The following POU2AF1 variants were observed in gnomAD, a reference collection of about 807,000 sequenced individuals.
POU2AF1 encodes the protein POU class 2 homeobox associating factor 1.
POU2AF1 carries 12 observed loss-of-function variants against 26.3 expected under a neutral mutation model. That is an observed-to-expected ratio of 0.46 (90% CI 0.29 to 0.74). POU2AF1 has a LOEUF of 0.74. Ranked by LOEUF, POU2AF1 falls within the 30% of genes least tolerant of loss-of-function variation. POU2AF1 has a pLI of 0.09. For missense variants in POU2AF1, 297 were observed against 334.5 expected, an observed-to-expected ratio of 0.89 and a Z score of 0.87; for synonymous variants, 175 against 148.0, an observed-to-expected ratio of 1.18 and a Z score of -1.32.
At chr11:111,375,373 C>A (rs1250558400) in intron 1 of POU2AF1, among the ~76,000 whole-genome samples, 1 of 148,244 alleles carries the variant, frequency 6.7e-6, no homozygotes, top group Non-Finnish European at 1.5e-5. Context: ...AATGTACAAC[C>A]CCAGGATACT....
Position 111,354,180 on chromosome 11 carries a change from A to G in POU2AF1, c.*81T>C. On this transcript the variant is annotated 3_prime_UTR_variant, in exon 5 of 5. Coordinates refer to ENST00000393067, the MANE Select transcript of POU2AF1 (RefSeq NM_006235.3). ...TGTAGTCATGAAATGACTACTCCAAACAAGCATGAACCTGGGGCTCAATTC... is the reference window on the plus strand; with the variant it reads ...TGTAGTCATGAAATGACTACTCCAAGCAAGCATGAACCTGGGGCTCAATTC... 1 of 1,479,864 alleles carries G rather than the reference A, an allele frequency of 6.8e-7. No individual in the cohort carries two copies. 91.7% of individuals were successfully genotyped at this position (1,479,864 alleles called of 1,614,324 possible).
intron 1 of POU2AF1, chr11:111,360,034 C>T: frequency 1.9e-6 from 1 of 518,966 alleles, no homozygotes; most frequent in South Asian, 1.4e-5. Context: ...TTTCCTTCCC[C>T]TCTTGCCATC....
Position 111,358,841 on chromosome 11 carries a change from G to T in POU2AF1, c.94C>A (p.Leu32Met). The part of the protein sequence containing the change: ...VRVKEPVKEL[L>M]RRKRGHASSG... ...CTGGCGTGGCCTCGCTTCCTCCTCAGCAGTTCCTTCACTGGCTCCTTCACA... is the reference window on the plus strand; with the variant it reads ...CTGGCGTGGCCTCGCTTCCTCCTCATCAGTTCCTTCACTGGCTCCTTCACA... Residue 32 changes from leucine (L) to methionine (M), a missense_variant, in exon 2 of 5, where the codon CTG (leucine) becomes ATG (methionine). Physicochemically the swap from Leu to Met is conservative, Grantham distance 15. Coordinates refer to ENST00000393067, the MANE Select transcript of POU2AF1 (RefSeq NM_006235.3). 6.2e-7 allele frequency: 1 copy of T among 1,609,160 alleles called. No individual in the cohort carries two copies.
rs1490143013 is a variant in POU2AF1, at chr11:111,379,241, C to A, written c.-64G>T. 1.2e-6 allele frequency: 2 copies of A among 1,606,188 alleles called. No individual in the cohort carries two copies. The highest frequency in any genetic ancestry group is 1.7e-6 in the Non-Finnish European group (2 of 1,172,920). ...ACAGTTTGGCTTCTTTAATGTGAGA[C>A]CGGGGTGTGTTTTCCTCCAGTGGAG... On this transcript the variant is annotated 5_prime_UTR_variant, in exon 1 of 5. Coordinates refer to ENST00000393067, the MANE Select transcript of POU2AF1 (RefSeq NM_006235.3).
At chr11:111,378,700 G>A (rs1861359415) in intron 1 of POU2AF1, among the ~76,000 whole-genome samples, 2 of 151,998 alleles carry the variant, frequency 1.3e-5, no homozygotes, top group African/African-American at 2.4e-5. Context: ...CTGGCAGAAA[G>A]CTAAGTCACT....
At chr11:111,363,279 C>T in intron 1 of POU2AF1, 2 of 1,023,722 alleles carry the variant, frequency 2.0e-6, no homozygotes, top group Non-Finnish European at 2.3e-6. Context: ...GTAACTGACT[C>T]CAGCTGAGCA....
intron 1 of POU2AF1, chr11:111,363,055 G>T: frequency 1.2e-6 from 1 of 832,796 alleles, no homozygotes; most frequent in Non-Finnish European, 1.5e-6. Context: ...AACAAAGAGC[G>T]CTTGGTGGAG....
chr11:111,357,842 AGG>A lies in POU2AF1; in HGVS notation c.148-7_148-6del. ...GGGCTGATGGGGCAGCACCACCTAGAGGGGAGAGGAGAAGACCAGGGTCAATG... is the reference window on the plus strand; with the variant it reads ...GGGCTGATGGGGCAGCACCACCTAGAGGAGAGGAGAAGACCAGGGTCAATG... On this transcript the variant is annotated splice_polypyrimidine_tract_variant and splice_region_variant and intron_variant, in intron 2 of 4. Coordinates refer to ENST00000393067, the MANE Select transcript of POU2AF1 (RefSeq NM_006235.3). 6.2e-7 allele frequency: 1 copy of A among 1,605,626 alleles called. No individual in the cohort carries two copies. The highest frequency in any genetic ancestry group is 8.5e-7 in the Non-Finnish European group (1 of 1,176,994).
intron 1 of POU2AF1, chr11:111,359,205 A>G (rs1860957107): frequency 6.2e-6 from 3 of 480,392 alleles, no homozygotes; most frequent in South Asian, 2.5e-5. Context: ...CACACTCCCT[A>G]CTACACAAAC....
intron 2 of POU2AF1, 66 bp downstream of exon 2, chr11:111,358,721 CT>C (rs1860939947): frequency 6.6e-7 from 1 of 1,517,004 alleles, no homozygotes; most frequent in African/African-American, 1.4e-5. Flanking sequence ...CACTCTCACA[CT>C]ATCCCTGACA....
At chr11:111,373,161 G>A (rs1334495568) in intron 1 of POU2AF1, among the ~76,000 whole-genome samples, 1 of 152,198 alleles carries the variant, frequency 6.6e-6, no homozygotes, top group Non-Finnish European at 1.5e-5. Context: ...GCAATCAAAT[G>A]TAATCCAAAC....
intron 1 of POU2AF1, among the ~76,000 whole-genome samples, chr11:111,371,509 G>A (rs1861208757): frequency 6.6e-6 from 1 of 152,084 alleles, no homozygotes; most frequent in Non-Finnish European, 1.5e-5. Context: ...TGTGACGCGA[G>A]TTCCAAGTTT....
intron 1 of POU2AF1, among the ~76,000 whole-genome samples, chr11:111,368,518 G>A (rs1182466826): frequency 9.2e-5 from 14 of 152,044 alleles, no homozygotes. Context: ...ACTGAGTCTC[G>A]AGCGTGACTT....
chr11:111,359,166 G>A (rs1860955851), intron 1 of POU2AF1: 2 of 610,644 alleles, frequency 3.3e-6, no homozygotes, highest in Admixed American at 3.3e-5. Flanking sequence ...TTCAGAATGA[G>A]ATCCGAACCC....
intron 1 of POU2AF1, among the ~76,000 whole-genome samples, chr11:111,361,662 T>A (rs1861011606): frequency 6.6e-6 from 1 of 152,218 alleles, no homozygotes; most frequent in Non-Finnish European, 1.5e-5. Flanking sequence ...CTACTGAGGC[T>A]AACTTATGGT....
rs757806362 is a variant in POU2AF1, at chr11:111,354,336, G to C, written c.696C>G (p.Ile232Met). The C allele has an allele frequency of 6.2e-7, 1 of 1,614,230 alleles. No individual in the cohort carries two copies. Among genetic ancestry groups the C allele is most frequent in the Admixed American group, 1.7e-5 (1 of 60,030 alleles). Residue 232 changes from isoleucine to methionine, a missense_variant, in exon 5 of 5, where the codon ATC becomes ATG. Physicochemically the swap from Ile to Met is conservative, Grantham distance 10. Transcript: ENST00000393067. Reference protein sequence around the residue: ...DPRRAASSLTIDKLLLEEEDS... With the variant: ...DPRRAASSLTMDKLLLEEEDS... ...CCTCTTCCTCCAAAAGCAGCTTGTC[G>C]ATGGTCAACGAGCTGGCGGCTCTTC...
At position 111,367,290 on chromosome 11, in the gene POU2AF1, TCCATGTGTTTC is replaced by T. The variant is rs1565364987; in HGVS notation, c.17-8383_17-8373del. On this transcript the variant is annotated intron_variant, in intron 1 of 4. Coordinates refer to ENST00000393067, the MANE Select transcript of POU2AF1 (RefSeq NM_006235.3). ...CTGTTGAATGAATGGGTGGTAAAGGTCCATGTGTTTCCTGGTCACATTCTTAACTCTTGGGA... is the reference window on the plus strand; with the variant it reads ...CTGTTGAATGAATGGGTGGTAAAGGTCTGGTCACATTCTTAACTCTTGGGA... 1.6e-4 allele frequency among the ~76,000 whole-genome samples: 25 copies of T among 152,258 alleles called. No individual in the cohort carries two copies. The East Asian group carries it at 4.8e-3, about 29-fold the overall frequency.
intron 1 of POU2AF1, among the ~76,000 whole-genome samples, chr11:111,371,505 G>A (rs990582802): frequency 7.9e-5 from 12 of 152,146 alleles, no homozygotes; most frequent in Admixed American, 1.3e-4. Flanking sequence ...AAATTGTGAC[G>A]CGAGTTCCAA....
chr11:111,360,129 C>G (rs1860977248), intron 1 of POU2AF1: 1 of 484,484 alleles, frequency 2.1e-6, no homozygotes. Flanking sequence ...GAAAAGCAGC[C>G]GTGGCTGGGA....
Sources: gnomAD v4.1 joint callset for allele counts (sites outside exome capture counted in the v4.1 genomes callset) on GRCh38, gnomAD v4.1.1 for gene constraint, MANE v1.5 for transcripts, NCBI Gene and HGNC (gene_info 2026-07-23, HGNC 2026-07-21) for gene names.